HHAT: variants seen among roughly 807,000 people sequenced by gnomAD.
HHAT encodes hedgehog acyltransferase.
Under a neutral mutation model 70.8 loss-of-function variants are expected in HHAT, and 47 were observed. The observed-to-expected ratio is 0.66, with a 90% CI of 0.53 to 0.85. The LOEUF (loss-of-function observed/expected upper bound fraction) is 0.85. HHAT is among the 40% of genes least tolerant of loss of function. HHAT has a pLI of 0.00. For synonymous variants in HHAT, 228 were observed against 247.6 expected, an observed-to-expected ratio of 0.92 and a Z score of 0.74; for missense variants, 609 against 604.8, an observed-to-expected ratio of 1.01 and a Z score of -0.07.
chr1:210,645,080 G>GGT (rs1187379319), intron 11 of HHAT, among the ~76,000 whole-genome samples: 1 of 152,088 alleles, frequency 6.6e-6, no homozygotes, highest in Non-Finnish European at 1.5e-5. Flanking sequence ...TTTCTAGAAA[G>GGT]GTGGTTAGTA....
intron 2 of HHAT, among the ~76,000 whole-genome samples, chr1:210,356,033 C>T (rs1007368407): frequency 3.9e-5 from 6 of 151,966 alleles, no homozygotes; most frequent in Admixed American, 6.6e-5. Context: ...CCTCCAACCT[C>T]GGCCTCCTAA....
intron 7 of HHAT, among the ~76,000 whole-genome samples, chr1:210,456,967 T>A (rs2093882712): frequency 2.6e-5 from 4 of 152,184 alleles, no homozygotes; most frequent in Admixed American, 2.6e-4. Flanking sequence ...GTTCTGCCCA[T>A]GACCTCACTC....
chr1:210,533,383 T>C (rs2095335632), intron 9 of HHAT, among the ~76,000 whole-genome samples: 1 of 138,148 alleles, frequency 7.2e-6, no homozygotes, highest in African/African-American at 2.6e-5. Flanking sequence ...GTTTTAGAAG[T>C]ACAGATGGCA....
chr1:210,647,134 CT>C (rs1674219858), intron 11 of HHAT, among the ~76,000 whole-genome samples: 1 of 152,182 alleles, frequency 6.6e-6, no homozygotes. Flanking sequence ...CTCTTCGAGA[CT>C]TGGTAGAATC....
chr1:210,338,635 A>T (rs1209068372), intron 1 of HHAT, among the ~76,000 whole-genome samples: 1 of 152,166 alleles, frequency 6.6e-6, no homozygotes. Context: ...TGTGTTTTAC[A>T]GATAAGGAAA....
chr1:210,531,967 CA>C (rs1285740905), intron 9 of HHAT, among the ~76,000 whole-genome samples: 6 of 152,140 alleles, frequency 3.9e-5, no homozygotes, highest in African/African-American at 1.4e-4. Context: ...CATGTGATCC[CA>C]GGGGGAAGGT....
intron 8 of HHAT, among the ~76,000 whole-genome samples, chr1:210,500,918 C>T (rs942484836): frequency 1.3e-5 from 2 of 152,214 alleles, no homozygotes; most frequent in South Asian, 4.1e-4. Flanking sequence ...AAGTACCTCC[C>T]ACACCAGGCT....
chr1:210,443,366 T>TCC (rs2093567769), intron 7 of HHAT, among the ~76,000 whole-genome samples: 5 of 151,022 alleles, frequency 3.3e-5, no homozygotes, highest in Non-Finnish European at 1.5e-5. Context: ...AAGTAGTTTT[T>TCC]TCCAATTCTG....
Position 210,619,643 on chromosome 1 carries a change from G to A in HHAT, c.1246-3883G>A, listed in dbSNP as rs142897381. On this transcript the variant is annotated intron_variant, in intron 10 of 11. Coordinates refer to ENST00000261458, the MANE Select transcript of HHAT (RefSeq NM_018194.6). ...GGACGGCTCCGTCCTGCACATTGCC[G>A]TGCGCTTATTATCCCTGGCCCCTGC... is the stretch of plus-strand genomic sequence containing the variant. Among the ~76,000 whole-genome samples, 13 of 152,200 alleles carry A rather than the reference G, an allele frequency of 8.5e-5. No homozygotes were observed. The East Asian group carries it at 1.2e-3, about 14-fold the overall frequency.
intron 3 of HHAT, among the ~76,000 whole-genome samples, chr1:210,382,594 T>C (rs1336108632): frequency 6.6e-6 from 1 of 152,180 alleles, no homozygotes; most frequent in African/African-American, 2.4e-5. Flanking sequence ...ATAAAAGTGA[T>C]ATAATAAATA....
intron 11 of HHAT, 83 bp from the exon 12 acceptor site, chr1:210,674,205 C>T: frequency 1.7e-6 from 2 of 1,191,120 alleles, no homozygotes; most frequent in Non-Finnish European, 2.5e-6. Flanking sequence ...GTTGCCTTCT[C>T]CAAAAGGGGA....
At chr1:210,526,770 T>C (rs1286128549) in intron 9 of HHAT, among the ~76,000 whole-genome samples, 1 of 152,196 alleles carries the variant, frequency 6.6e-6, no homozygotes. Context: ...TTCTGTTGTC[T>C]AGATATGTGC....
intron 10 of HHAT, among the ~76,000 whole-genome samples, chr1:210,617,752 C>T (rs567950198): frequency 1.3e-5 from 2 of 152,332 alleles, no homozygotes; most frequent in African/African-American, 4.8e-5. Context: ...CTGGCTTTGC[C>T]TTCATTGCTG....
rs565420438 is a variant in HHAT, at chr1:210,520,378, G to A, written c.1043+7190G>A. On this transcript the variant is annotated intron_variant, in intron 9 of 11. Transcript: ENST00000261458. ...TTCAGGATTACTATTGATAAGTAAG[G>A]ACTTACTCCTGCCATTTTGTTAATT... Among the ~76,000 whole-genome samples, 10 of 152,278 alleles carry A rather than the reference G, an allele frequency of 6.6e-5. No homozygotes were observed. The South Asian group carries it at 2.1e-3, about 32-fold the overall frequency.
intron 7 of HHAT, among the ~76,000 whole-genome samples, chr1:210,439,334 T>C (rs1364458509): frequency 6.6e-6 from 1 of 151,832 alleles, no homozygotes; most frequent in African/African-American, 2.4e-5. Flanking sequence ...GAAATCATTT[T>C]ATTACTTCCT....
chr1:210,598,775 A>AT (rs1663584996), intron 10 of HHAT, among the ~76,000 whole-genome samples: 2 of 152,236 alleles, frequency 1.3e-5, no homozygotes, highest in African/African-American at 4.8e-5. Context: ...TACAAAGTTA[A>AT]AACCAGGTAC....
intron 4 of HHAT, among the ~76,000 whole-genome samples, chr1:210,396,766 G>A (rs2091812050): frequency 6.6e-6 from 1 of 152,172 alleles, no homozygotes; most frequent in African/African-American, 2.4e-5. Flanking sequence ...CAATGAAAAG[G>A]AGCAAACCAT....
At position 210,494,542 on chromosome 1, in the gene HHAT, C is replaced by CTTTTTTTTTTTTTTTTTTTTT. The variant is rs71146226; in HGVS notation, c.1008-18604_1008-18584dup. Among the ~76,000 whole-genome samples, 55 of 82,856 alleles carry CTTTTTTTTTTTTTTTTTTTTT rather than the reference C, an allele frequency of 6.6e-4. 4 individuals carry two copies. The highest frequency in any genetic ancestry group is 1.0e-3 in the Admixed American group (6 of 5,982). 54.4% of individuals were successfully genotyped at this position (82,856 alleles called of 152,430 possible). ...AGATCAGGAGTTCAGTTTGAAATAG[C>CTTTTTTTTTTTTTTTTTTTTT]TTTTTTTTTTTTTTTTTTTTTTTTT... On this transcript the variant is annotated intron_variant, in intron 8 of 11. Coordinates refer to ENST00000261458, the MANE Select transcript of HHAT (RefSeq NM_018194.6).
At chr1:210,373,806 A>C (rs1365190851) in intron 3 of HHAT, among the ~76,000 whole-genome samples, 1 of 152,204 alleles carries the variant, frequency 6.6e-6, no homozygotes, top group Non-Finnish European at 1.5e-5. Context: ...TTATCTAGAG[A>C]AGGATGGATT....
Sources: gnomAD v4.1 joint callset for allele counts (sites outside exome capture counted in the v4.1 genomes callset) on GRCh38, gnomAD v4.1.1 for gene constraint, MANE v1.5 for transcripts, NCBI Gene and HGNC (gene_info 2026-07-23, HGNC 2026-07-21) for gene names.